The following PPP2R2C variants were observed in gnomAD, a reference collection of about 807,000 sequenced individuals.
The protein encoded by PPP2R2C is protein phosphatase 2 regulatory subunit Bgamma.
PPP2R2C carries 10 observed loss-of-function variants against 45.3 expected under a neutral mutation model. The ratio of observed to expected loss-of-function variants is 0.22; its 90% confidence interval spans 0.14 to 0.37. The LOEUF is 0.37. PPP2R2C is among the 10% of genes least tolerant of loss of function. The pLI is 1.00. For synonymous variants in PPP2R2C, 257 were observed against 245.4 expected, an observed-to-expected ratio of 1.05 and a Z score of -0.44; for missense variants, 308 against 619.7, an observed-to-expected ratio of 0.50 and a Z score of 5.34.
At chr4:6,535,835 C>T (rs1200854642) in intron 1 of PPP2R2C, among the ~76,000 whole-genome samples, 1 of 152,226 alleles carries the variant, frequency 6.6e-6, no homozygotes, top group African/African-American at 2.4e-5. Context: ...TGGCCAACTT[C>T]TGAGCCTGCG....
At chr4:6,528,945 A>C (rs7691957) in intron 2 of PPP2R2C, among the ~76,000 whole-genome samples, 107,990 of 152,128 alleles carry the variant, frequency 0.71, 38,591 homozygotes, top group East Asian at 0.86. Flanking sequence ...CCGGCCTGCA[A>C]CCAGGTGATT....
intron 2 of PPP2R2C, among the ~76,000 whole-genome samples, chr4:6,486,507 A>G (rs555821841): frequency 1.3e-5 from 2 of 152,180 alleles, no homozygotes; most frequent in South Asian, 2.1e-4. Context: ...AGATTCATCT[A>G]TTGCTTCTTG....
At chr4:6,421,874 T>C (rs562449512) in intron 1 of PPP2R2C, among the ~76,000 whole-genome samples, 76 of 152,276 alleles carry the variant, frequency 5.0e-4, no homozygotes, top group Admixed American at 1.8e-3. Context: ...TTACCTTCAA[T>C]AATAGGGTTG....
At chr4:6,415,129 C>T (rs1220275270) in intron 1 of PPP2R2C, among the ~76,000 whole-genome samples, 2 of 152,242 alleles carry the variant, frequency 1.3e-5, no homozygotes, top group African/African-American at 4.8e-5. Flanking sequence ...GCATGCGCCT[C>T]GTCCGCATGC....
At chr4:6,370,175 ACCAG>A (rs1714682630) in intron 5 of PPP2R2C, among the ~76,000 whole-genome samples, 1 of 152,200 alleles carries the variant, frequency 6.6e-6, no homozygotes. Flanking sequence ...AAAGCCCTGG[ACCAG>A]GCATGGAGGC....
At chr4:6,440,452 G>C (rs924837842) in intron 1 of PPP2R2C, among the ~76,000 whole-genome samples, 2 of 152,114 alleles carry the variant, frequency 1.3e-5, no homozygotes, top group Non-Finnish European at 2.9e-5. Context: ...CAGGTGTTGG[G>C]GGCTCTTAGC....
At chr4:6,474,900 C>T (rs187946055), upstream of PPP2R2C, among the ~76,000 whole-genome samples, 157 of 152,080 alleles carry the variant, frequency 1.0e-3, no homozygotes, top group African/African-American at 3.7e-3. Flanking sequence ...TATCTGCACA[C>T]AGCCCTGCCC....
chr4:6,535,388 A>G (rs947825102), intron 1 of PPP2R2C: 3 of 1,471,764 alleles, frequency 2.0e-6, no homozygotes, highest in Non-Finnish European at 2.7e-6. Flanking sequence ...CTATAATCAG[A>G]AAAAAAAACT....
At chr4:6,457,770 G>A (rs1477988088) in intron 1 of PPP2R2C, among the ~76,000 whole-genome samples, 2 of 152,154 alleles carry the variant, frequency 1.3e-5, no homozygotes, top group Admixed American at 1.3e-4. Flanking sequence ...TTATTTCTTT[G>A]TAAAAGACAT....
intron 1 of PPP2R2C, among the ~76,000 whole-genome samples, chr4:6,457,072 C>T (rs922351237): frequency 1.3e-5 from 2 of 151,762 alleles, no homozygotes; most frequent in Non-Finnish European, 2.9e-5. Context: ...AGCCAGATGC[C>T]GTGGCAGGCA....
intron 3 of PPP2R2C, among the ~76,000 whole-genome samples, chr4:6,376,572 G>C (rs556374836): frequency 6.6e-6 from 1 of 151,930 alleles, no homozygotes; most frequent in East Asian, 1.9e-4. Flanking sequence ...TTCAATCTCA[G>C]CCTCCTGAGT....
intron 1 of PPP2R2C, among the ~76,000 whole-genome samples, chr4:6,430,941 C>G (rs1329082498): frequency 1.8e-4 from 1 of 5,616 alleles, no homozygotes; most frequent in Non-Finnish European, 1.9e-3. Context: ...ACAACAACAA[C>G]AACAAAAAAA....
intron 2 of PPP2R2C, among the ~76,000 whole-genome samples, chr4:6,520,611 T>C (rs1723987638): frequency 6.6e-6 from 1 of 152,070 alleles, no homozygotes; most frequent in Non-Finnish European, 1.5e-5. Flanking sequence ...GTCCAAGGGG[T>C]GTATGGCATG....
chr4:6,504,684 T>C (rs1404237633), intron 2 of PPP2R2C, among the ~76,000 whole-genome samples: 3 of 152,106 alleles, frequency 2.0e-5, no homozygotes, highest in Non-Finnish European at 4.4e-5. Flanking sequence ...CTGGATATAC[T>C]AAAAAGCAGA....
At chr4:6,554,918 GGAAGGAAGGAAGGAAAGAAAGAAA>G (rs1380280044) in intron 1 of PPP2R2C, among the ~76,000 whole-genome samples, 70 of 91,104 alleles carry the variant, frequency 7.7e-4, no homozygotes, top group African/African-American at 2.9e-3. Context: ...AAGGAAGGAA[GGAAGGAAGGAAGGAAAGAAAGAAA>G]GAAAGAAAGA....
At chr4:6,460,853 T>C (rs969351006) in intron 1 of PPP2R2C, among the ~76,000 whole-genome samples, 8 of 152,268 alleles carry the variant, frequency 5.3e-5, no homozygotes, top group African/African-American at 1.9e-4. Flanking sequence ...GGTTCCACAA[T>C]GTCAATAGGA....
intron 1 of PPP2R2C, among the ~76,000 whole-genome samples, chr4:6,540,316 T>C (rs530768853): frequency 1.3e-5 from 2 of 152,354 alleles, no homozygotes; most frequent in African/African-American, 4.8e-5. Context: ...TCATACACTA[T>C]GTGGTCTTTT....
chr4:6,350,368 G>A, intron 5 of PPP2R2C: 1 of 985,442 alleles, frequency 1.0e-6, no homozygotes, highest in Non-Finnish European at 1.2e-6. Context: ...GGCCACTGAT[G>A]AAATGTCACG....
intron 2 of PPP2R2C, chr4:6,523,495 A>G (rs1430748801): frequency 6.6e-6 from 1 of 152,258 alleles, no homozygotes; most frequent in Admixed American, 6.5e-5. Context: ...GTGATGAGTC[A>G]TTAGGGAAAT....
Sources: gnomAD v4.1 joint callset for allele counts (sites outside exome capture counted in the v4.1 genomes callset) on GRCh38, gnomAD v4.1.1 for gene constraint, MANE v1.5 for transcripts, NCBI Gene and HGNC (gene_info 2026-07-23, HGNC 2026-07-21) for gene names.